Variants in ZNF512 observed in about 807,000 individuals in gnomAD.
ZNF512 encodes zinc finger protein 512.
A neutral mutation model predicts 77.5 loss-of-function variants in ZNF512; 25 were observed. That is an observed-to-expected ratio of 0.32 (90% CI 0.23 to 0.45). The LOEUF is 0.45. ZNF512 is among the 20% of genes least tolerant of loss of function. The pLI is 1.00. For synonymous variants in ZNF512, 246 were observed against 239.9 expected (o/e 1.03, Z -0.24); for missense variants, 483 against 692.6 (o/e 0.70, Z 3.40).
At chr2:27,614,844 TA>T (rs1672815867) in intron 10 of ZNF512, among the ~76,000 whole-genome samples, 1 of 152,100 alleles carries the variant, frequency 6.6e-6, no homozygotes, top group Non-Finnish European at 1.5e-5. Flanking sequence ...TCCTAATCAT[TA>T]GAACCTATGA....
chr2:27,616,310 G>C lies in ZNF512; in HGVS notation c.1282G>C (p.Gly428Arg), dbSNP rs766932833. The C allele has an allele frequency of 6.2e-7, 1 of 1,613,774 alleles. No individual in the cohort carries two copies. The highest frequency in any genetic ancestry group is 8.5e-7 in the Non-Finnish European group (1 of 1,179,714). The change falls in exon 12 of 14, where the codon GGC becomes CGC. Residue 428 changes from glycine to arginine, a missense_variant. Coordinates refer to ENST00000355467, the MANE Select transcript of ZNF512 (RefSeq NM_032434.4). ...TGTATCTGGCCTTAAAGCTCACCTG[G>C]GCTCTTGTACATTGGTTTGTAACTT... ...SSVSGLKAHL[G>R]SCTLGNFVAG...
intron 10 of ZNF512, 35 bp from the exon 11 acceptor site, chr2:27,615,133 A>G (rs150193584): frequency 5.0e-5 from 68 of 1,358,444 alleles, no homozygotes; most frequent in Non-Finnish European, 6.8e-5. Flanking sequence ...TGGGAGTTGT[A>G]TTTATCTAAT....
intron 13 of ZNF512, among the ~76,000 whole-genome samples, chr2:27,618,567 C>T (rs1385681568): frequency 6.6e-6 from 1 of 151,962 alleles, no homozygotes; most frequent in Non-Finnish European, 1.5e-5. Flanking sequence ...ATGATGTCTG[C>T]AACTAATTTG....
At chr2:27,587,857 T>G (rs1671406447) in intron 2 of ZNF512, among the ~76,000 whole-genome samples, 1 of 151,810 alleles carries the variant, frequency 6.6e-6, no homozygotes, top group Non-Finnish European at 1.5e-5. Context: ...ATTTTATATT[T>G]TTAGTAGAGA....
At chr2:27,611,395 G>T (rs1460719008) in intron 10 of ZNF512, among the ~76,000 whole-genome samples, 1 of 152,074 alleles carries the variant, frequency 6.6e-6, no homozygotes, top group Admixed American at 6.6e-5. Flanking sequence ...ACTTTCTCAA[G>T]ATTAGGTTGA....
chr2:27,602,693 A>G (rs1165133487), intron 8 of ZNF512, 132 bp downstream of exon 8: 1 of 692,038 alleles, frequency 1.4e-6, no homozygotes, highest in East Asian at 3.0e-5. Flanking sequence ...TGAATCATTA[A>G]TAGTTGTTTA....
At chr2:27,596,006 T>C (rs1229268419) in intron 2 of ZNF512, among the ~76,000 whole-genome samples, 5 of 148,096 alleles carry the variant, frequency 3.4e-5, no homozygotes, top group Admixed American at 6.7e-5. Flanking sequence ...TTGTGTAGAT[T>C]TTGGGTCCTA....
chr2:27,620,324 C>A (rs1673062340), intron 13 of ZNF512, among the ~76,000 whole-genome samples: 1 of 152,178 alleles, frequency 6.6e-6, no homozygotes, highest in Non-Finnish European at 1.5e-5. Context: ...GTGGCTATCT[C>A]ATTGCATGGT....
intron 9 of ZNF512, among the ~76,000 whole-genome samples, chr2:27,605,161 A>G (rs933373450): frequency 6.6e-6 from 1 of 152,062 alleles, no homozygotes; most frequent in East Asian, 1.9e-4. Context: ...AAACATTCAC[A>G]AAGGTTTTTG....
intron 2 of ZNF512, among the ~76,000 whole-genome samples, chr2:27,587,360 T>C (rs893426369): frequency 6.7e-6 from 1 of 150,304 alleles, no homozygotes; most frequent in Non-Finnish European, 1.5e-5. Context: ...CACCGAACCC[T>C]TTGCCTCCCA....
chr2:27,592,090 G>A (rs911136105), intron 2 of ZNF512, among the ~76,000 whole-genome samples: 1 of 151,868 alleles, frequency 6.6e-6, no homozygotes, highest in African/African-American at 2.4e-5. Context: ...CCTGGGCTCA[G>A]GTGATTCTCC....
chr2:27,598,310 G>T, intron 3 of ZNF512, 56 bp downstream of exon 3: 1 of 1,545,832 alleles, frequency 6.5e-7, no homozygotes. Context: ...GTTATAGTTT[G>T]AGATTGTTAT....
intron 9 of ZNF512, 90 bp from the exon 10 acceptor site, chr2:27,607,755 A>G (rs1451373142): frequency 1.6e-6 from 2 of 1,220,134 alleles, no homozygotes; most frequent in East Asian, 4.7e-5. Flanking sequence ...AGCTCTTTTG[A>G]TATTTAGAGC....
At chr2:27,598,311 A>T in intron 3 of ZNF512, 57 bp downstream of exon 3, 1 of 1,540,466 alleles carries the variant, frequency 6.5e-7, no homozygotes. Context: ...TTATAGTTTG[A>T]GATTGTTATA....
At chr2:27,613,601 C>T (rs1002868977) in intron 10 of ZNF512, among the ~76,000 whole-genome samples, 11 of 152,028 alleles carry the variant, frequency 7.2e-5, no homozygotes, top group Non-Finnish European at 1.5e-4. Context: ...ACTTAAGTTC[C>T]GCAGTCAGCC....
intron 11 of ZNF512, 148 bp downstream of exon 11, chr2:27,615,417 C>A: frequency 1.9e-6 from 1 of 529,416 alleles, no homozygotes; most frequent in East Asian, 3.3e-5. Context: ...AGCAATAATT[C>A]TGTAAAGGCT....
intron 1 of ZNF512, 199 bp downstream of exon 1, chr2:27,583,341 T>C (rs527996202): frequency 7.8e-7 from 1 of 1,290,094 alleles, no homozygotes; most frequent in East Asian, 2.5e-5. Flanking sequence ...ATTTAATTCC[T>C]CGCCACATTA....
At chr2:27,586,355 G>A (rs1240693381) in intron 2 of ZNF512, among the ~76,000 whole-genome samples, 1 of 152,002 alleles carries the variant, frequency 6.6e-6, no homozygotes, top group Admixed American at 6.6e-5. Flanking sequence ...TCAGCCTCCC[G>A]AGTAGCTGGG....
intron 2 of ZNF512, among the ~76,000 whole-genome samples, chr2:27,596,038 T>G (rs1671854479): frequency 6.6e-6 from 1 of 152,234 alleles, no homozygotes; most frequent in African/African-American, 2.4e-5. Flanking sequence ...CTGGGGAATG[T>G]TGCCGTTTCT....
Sources: gnomAD v4.1 joint callset for allele counts (sites outside exome capture counted in the v4.1 genomes callset) on GRCh38, gnomAD v4.1.1 for gene constraint, MANE v1.5 for transcripts, NCBI Gene and HGNC (gene_info 2026-07-23, HGNC 2026-07-21) for gene names.